The following NRXN1 variants were observed in gnomAD, a reference collection of about 807,000 sequenced individuals.
The protein encoded by NRXN1 is neurexin-1.
In NRXN1, 39 loss-of-function variants were observed where a neutral mutation model predicts 150.9. The ratio of observed to expected loss-of-function variants is 0.26; its 90% CI spans 0.20 to 0.34. The LOEUF is 0.34. NRXN1 is among the 10% of genes least tolerant of loss of function. The pLI is 1.00. For synonymous variants in NRXN1, 924 were observed against 757.0 expected (o/e 1.22, Z -3.62); for missense variants, 1,815 against 1,949.9 (o/e 0.93, Z 1.30).
At chr2:50,161,813 C>T (rs1228835812) in intron 18 of NRXN1, among the ~76,000 whole-genome samples, 1 of 151,812 alleles carries the variant, frequency 6.6e-6, no homozygotes, top group African/African-American at 2.4e-5. Flanking sequence ...GTTGAAGTTG[C>T]TCAGTAAAAT....
chr2:50,364,732 T>C (rs1310055307), intron 17 of NRXN1, among the ~76,000 whole-genome samples: 6 of 152,126 alleles, frequency 3.9e-5, no homozygotes, highest in Non-Finnish European at 7.4e-5. Context: ...GGTGGGTCTT[T>C]TCTCTTTTGG....
intron 18 of NRXN1, among the ~76,000 whole-genome samples, chr2:50,168,391 T>C (rs866414578): frequency 3.3e-5 from 5 of 152,206 alleles, no homozygotes; most frequent in African/African-American, 9.6e-5. Flanking sequence ...TACTTTACCT[T>C]GGCTGAAACT....
intron 12 of NRXN1, chr2:50,526,881 T>C (rs1171649938): frequency 6.6e-5 from 10 of 152,188 alleles, no homozygotes; most frequent in Non-Finnish European, 1.5e-5. Context: ...GGTATTATTC[T>C]GTGGAATATC....
chr2:50,488,072 C>G (rs1283617907), intron 15 of NRXN1, among the ~76,000 whole-genome samples: 2 of 152,180 alleles, frequency 1.3e-5, no homozygotes, highest in Non-Finnish European at 2.9e-5. Context: ...ATTCTATCAC[C>G]TTGAAGAATT....
At chr2:50,424,641 A>C (rs1430241784) in intron 17 of NRXN1, among the ~76,000 whole-genome samples, 1 of 152,166 alleles carries the variant, frequency 6.6e-6, no homozygotes, top group African/African-American at 2.4e-5. Flanking sequence ...TATCAAGCAC[A>C]ACTTAATTTA....
chr2:50,549,292 A>G (rs1350681693), intron 9 of NRXN1, among the ~76,000 whole-genome samples: 2 of 152,170 alleles, frequency 1.3e-5, no homozygotes, highest in Non-Finnish European at 2.9e-5. Context: ...CTTAATTAAA[A>G]TACTATATAT....
At chr2:50,746,582 A>ACAACAACAACAACAACAG (rs1261346502) in intron 5 of NRXN1, among the ~76,000 whole-genome samples, 1 of 151,912 alleles carries the variant, frequency 6.6e-6, no homozygotes, top group African/African-American at 2.4e-5. Context: ...AACAACAACA[A>ACAACAACAACAACAACAG]CAACAACAAC....
chr2:50,822,280 A>G (rs1669844314), intron 5 of NRXN1, among the ~76,000 whole-genome samples: 2 of 152,158 alleles, frequency 1.3e-5, no homozygotes, highest in South Asian at 2.1e-4. Flanking sequence ...TTCTCTCAGT[A>G]TCTAAAACAA....
chr2:51,000,352 C>T (rs931896475), intron 2 of NRXN1, among the ~76,000 whole-genome samples: 3 of 151,954 alleles, frequency 2.0e-5, no homozygotes, highest in Non-Finnish European at 2.9e-5. Context: ...CATAACACTC[C>T]TATTGATTTC....
intron 5 of NRXN1, among the ~76,000 whole-genome samples, chr2:50,634,326 A>C (rs79661127): frequency 3.9e-5 from 6 of 152,190 alleles, no homozygotes; most frequent in Non-Finnish European, 8.8e-5. Context: ...CTATGAAATT[A>C]TACATATCTG....
At chr2:50,465,609 A>C in intron 16 of NRXN1, 48 bp from the exon 17 acceptor site, 1 of 1,543,586 alleles carries the variant, frequency 6.5e-7, no homozygotes. Context: ...AGAATCCAAA[A>C]GCATTTTATA....
chr2:50,936,022 C>T (rs763756954), intron 2 of NRXN1, among the ~76,000 whole-genome samples: 1 of 152,022 alleles, frequency 6.6e-6, no homozygotes, highest in African/African-American at 2.4e-5. Flanking sequence ...TCTATTGATA[C>T]ATAGTGAATG....
At chr2:50,170,703 C>A (rs2059975113) in intron 18 of NRXN1, among the ~76,000 whole-genome samples, 2 of 148,624 alleles carry the variant, frequency 1.3e-5, no homozygotes, top group South Asian at 4.1e-4. Context: ...AAATCTGAAA[C>A]ACTTCCGGTT....
chr2:50,680,975 C>G (rs186106286), intron 5 of NRXN1, among the ~76,000 whole-genome samples: 1 of 152,074 alleles, frequency 6.6e-6, no homozygotes, highest in African/African-American at 2.4e-5. Context: ...TAATAGTTAA[C>G]TTAGTAAAAA....
At chr2:50,823,838 G>T (rs1480599355) in intron 5 of NRXN1, among the ~76,000 whole-genome samples, 1 of 152,132 alleles carries the variant, frequency 6.6e-6, no homozygotes, top group African/African-American at 2.4e-5. Flanking sequence ...TGATCAAACA[G>T]AGTTACTATG....
chr2:50,445,813 T>G (rs530930181), intron 17 of NRXN1, among the ~76,000 whole-genome samples: 2 of 152,154 alleles, frequency 1.3e-5, no homozygotes, highest in Non-Finnish European at 2.9e-5. Context: ...TATTTCTACC[T>G]AGGGATTGGA....
intron 5 of NRXN1, among the ~76,000 whole-genome samples, chr2:50,718,658 CAG>C (rs1198859889): frequency 6.6e-6 from 1 of 152,128 alleles, no homozygotes; most frequent in Non-Finnish European, 1.5e-5. Context: ...AGCCCTTCTG[CAG>C]AGTTTCCAGC....
At chr2:51,021,372 G>A (rs1010495406) in intron 2 of NRXN1, among the ~76,000 whole-genome samples, 2 of 151,862 alleles carry the variant, frequency 1.3e-5, no homozygotes, top group African/African-American at 2.4e-5. Context: ...TGTGGTCAAC[G>A]ACTATTTTCA....
intron 21 of NRXN1, chr2:50,016,504 G>C (rs1238910355): frequency 1.3e-5 from 2 of 152,110 alleles, no homozygotes; most frequent in Non-Finnish European, 1.5e-5. Context: ...TCACAGTTCC[G>C]CAGGGCTACG....
Sources: allele counts gnomAD v4.1 joint callset (sites outside exome capture counted in the v4.1 genomes callset), GRCh38; gene constraint gnomAD v4.1.1; transcripts MANE v1.5; gene names NCBI Gene and HGNC (gene_info 2026-07-23, HGNC 2026-07-21).